Variants in LRRC7 observed in about 807,000 individuals in gnomAD.
LRRC7 encodes the protein leucine rich repeat containing 7.
LRRC7 carries 23 observed loss-of-function variants against 175.7 expected under a neutral mutation model. That is an observed-to-expected ratio of 0.13 (90% CI 0.09 to 0.19). The LOEUF is 0.19. Ranked by LOEUF, LRRC7 falls within the 10% of genes least tolerant of loss-of-function variation. The pLI, the probability that LRRC7 is intolerant of heterozygous loss-of-function variation, is 1.00. For synonymous variants in LRRC7, 685 were observed against 680.9 expected (o/e 1.01, Z -0.09); for missense variants, 1,354 against 1,904.7 (o/e 0.71, Z 5.38).
intron 25 of LRRC7, among the ~76,000 whole-genome samples, chr1:70,095,199 G>A (rs899874892): frequency 6.6e-6 from 1 of 152,130 alleles, no homozygotes; most frequent in East Asian, 1.9e-4. Flanking sequence ...AGGAGCAAGG[G>A]ATAGAGATCA....
chr1:69,807,276 G>C (rs1474508287), intron 4 of LRRC7, among the ~76,000 whole-genome samples: 2 of 151,952 alleles, frequency 1.3e-5, no homozygotes, highest in African/African-American at 4.8e-5. Flanking sequence ...CTTTTAATTG[G>C]AGCATTTAGC....
chr1:69,785,679 A>G (rs1674328056), intron 3 of LRRC7, among the ~76,000 whole-genome samples: 2 of 152,176 alleles, frequency 1.3e-5, no homozygotes, highest in Non-Finnish European at 2.9e-5. Context: ...TTGTTATTCT[A>G]GAAATGTAAA....
intron 7 of LRRC7, among the ~76,000 whole-genome samples, chr1:69,910,125 C>G (rs1646475077): frequency 6.6e-6 from 1 of 152,146 alleles, no homozygotes; most frequent in South Asian, 2.1e-4. Context: ...TCTCCATCAG[C>G]TCCTTTAAGG....
chr1:69,621,681 C>T (rs746106851), intron 1 of LRRC7, among the ~76,000 whole-genome samples: 3 of 152,066 alleles, frequency 2.0e-5, no homozygotes, highest in African/African-American at 4.8e-5. Context: ...GAAAGTATGC[C>T]CATACCAGAC....
At chr1:69,991,970 TA>T (rs1198868911) in intron 10 of LRRC7, among the ~76,000 whole-genome samples, 1 of 152,070 alleles carries the variant, frequency 6.6e-6, no homozygotes, top group Non-Finnish European at 1.5e-5. Flanking sequence ...GAAAAAGAAA[TA>T]TTTTTTGCTT....
intron 1 of LRRC7, among the ~76,000 whole-genome samples, chr1:69,640,401 C>T (rs952825380): frequency 4.6e-5 from 7 of 151,514 alleles, no homozygotes; most frequent in Non-Finnish European, 8.9e-5. Context: ...TACTTTTTGA[C>T]TTGTATAATA....
At chr1:69,625,481 ATTAAG>A (rs1278752780) in intron 1 of LRRC7, among the ~76,000 whole-genome samples, 1 of 143,686 alleles carries the variant, frequency 7.0e-6, no homozygotes, top group African/African-American at 2.6e-5. Flanking sequence ...AATTTATTCT[ATTAAG>A]TTTACTATTT....
At chr1:69,928,451 G>A (rs1647163252) in intron 7 of LRRC7, among the ~76,000 whole-genome samples, 1 of 152,224 alleles carries the variant, frequency 6.6e-6, no homozygotes, top group Admixed American at 6.5e-5. Flanking sequence ...GAGCTGTGGT[G>A]GGCTCCACTC....
At chr1:70,049,848 C>CA (rs1253577164) in intron 22 of LRRC7, among the ~76,000 whole-genome samples, 1 of 151,990 alleles carries the variant, frequency 6.6e-6, no homozygotes, top group East Asian at 1.9e-4. Context: ...TTGTTTTTAA[C>CA]AATTTTTACT....
chr1:69,823,224 G>A (rs6698934), intron 4 of LRRC7, among the ~76,000 whole-genome samples: 2,002 of 151,944 alleles, frequency 0.013, 19 homozygotes, highest in African/African-American at 0.023. Context: ...TGTTCCTTTC[G>A]TATTTTCTAT....
chr1:69,626,308 G>A (rs921811673), intron 1 of LRRC7, among the ~76,000 whole-genome samples: 1 of 150,978 alleles, frequency 6.6e-6, no homozygotes, highest in South Asian at 2.1e-4. Context: ...CAGCTTTCTG[G>A]GTATTTATTG....
intron 1 of LRRC7, among the ~76,000 whole-genome samples, chr1:69,670,045 G>T (rs1485749373): frequency 6.6e-6 from 1 of 151,994 alleles, no homozygotes; most frequent in Non-Finnish European, 1.5e-5. Flanking sequence ...CTGTCTAAAG[G>T]TCACATATCT....
intron 7 of LRRC7, among the ~76,000 whole-genome samples, chr1:69,916,419 G>A (rs929063227): frequency 1.3e-5 from 2 of 150,140 alleles, no homozygotes; most frequent in Non-Finnish European, 3.0e-5. Context: ...CCTATTATTG[G>A]AAATGTCAGG....
intron 1 of LRRC7, among the ~76,000 whole-genome samples, chr1:69,674,378 A>C (rs1659507274): frequency 1.3e-5 from 2 of 152,136 alleles, no homozygotes; most frequent in East Asian, 3.9e-4. Flanking sequence ...TCTGGGCTTA[A>C]TTTCTTCATC....
intron 1 of LRRC7, among the ~76,000 whole-genome samples, chr1:69,639,448 C>T (rs1167712985): frequency 6.6e-6 from 1 of 151,806 alleles, no homozygotes; most frequent in East Asian, 1.9e-4. Context: ...CACAATTATA[C>T]ACCAGTACTT....
chr1:70,100,139 A>G (rs933452942), intron 25 of LRRC7, among the ~76,000 whole-genome samples: 3 of 152,190 alleles, frequency 2.0e-5, no homozygotes, highest in Non-Finnish European at 4.4e-5. Context: ...AGCAATTAAT[A>G]AAAGTTAAAA....
At chr1:69,675,625 T>G (rs1157250969) in intron 1 of LRRC7, among the ~76,000 whole-genome samples, 1 of 152,164 alleles carries the variant, frequency 6.6e-6, no homozygotes, top group Non-Finnish European at 1.5e-5. Context: ...AAATTGTTAT[T>G]AGATCATCAT....
chr1:70,020,148 C>T (rs1034909972), intron 15 of LRRC7, among the ~76,000 whole-genome samples: 3 of 151,846 alleles, frequency 2.0e-5, no homozygotes, highest in Admixed American at 2.0e-4. Context: ...TTTGGTTTTC[C>T]AGGCAGGAGT....
intron 7 of LRRC7, among the ~76,000 whole-genome samples, chr1:69,867,738 A>G (rs1285870630): frequency 6.6e-6 from 1 of 152,186 alleles, no homozygotes; most frequent in Non-Finnish European, 1.5e-5. Context: ...AGGTTGTAGG[A>G]AAAGAGAAAT....
Sources: gnomAD v4.1 joint callset for allele counts (sites outside exome capture counted in the v4.1 genomes callset) on GRCh38, gnomAD v4.1.1 for gene constraint, MANE v1.5 for transcripts, NCBI Gene and HGNC (gene_info 2026-07-23, HGNC 2026-07-21) for gene names.